MTHFD2L: variants seen among roughly 807,000 people sequenced by gnomAD.
MTHFD2L encodes methylenetetrahydrofolate dehydrogenase (NADP+ dependent) 2 like.
In MTHFD2L, 29 loss-of-function variants were observed where a neutral mutation model predicts 34.9. The observed-to-expected ratio is 0.83, with a 90% confidence interval of 0.62 to 1.13. MTHFD2L has a LOEUF of 1.13. Among genes scored for constraint, MTHFD2L ranks in the 50% most tolerant of loss-of-function variants. The pLI, the probability that MTHFD2L is intolerant of heterozygous loss-of-function variation, is 0.00. For synonymous variants in MTHFD2L, 167 were observed against 155.7 expected (o/e 1.07, Z -0.54); for missense variants, 481 against 446.5 (o/e 1.08, Z -0.70).
intron 1 of MTHFD2L, among the ~76,000 whole-genome samples, chr4:74,148,405 TTAGAC>T (rs1426474092): frequency 7.1e-6 from 1 of 141,454 alleles, no homozygotes; most frequent in Non-Finnish European, 1.5e-5. Context: ...ATCTATCTAT[TTAGAC>T]AGAGTTTTGC....
intron 3 of MTHFD2L, among the ~76,000 whole-genome samples, chr4:74,197,969 A>G (rs1267347688): frequency 1.3e-5 from 2 of 152,176 alleles, no homozygotes; most frequent in East Asian, 3.8e-4. Flanking sequence ...CTGGATTTTT[A>G]TGATCTTCAC....
chr4:74,115,799 T>C (rs1422837359), intron 2 of MTHFD2L, among the ~76,000 whole-genome samples: 2 of 152,222 alleles, frequency 1.3e-5, no homozygotes, highest in African/African-American at 2.4e-5. Flanking sequence ...CTATTATCGA[T>C]AGCTGAATGC....
chr4:74,194,394 T>A (rs1177789820), intron 3 of MTHFD2L: 2 of 152,210 alleles, frequency 1.3e-5, no homozygotes, highest in Non-Finnish European at 2.9e-5. Flanking sequence ...GATTTTTTTT[T>A]CTTTAAGCTA....
chr4:74,283,384 C>T (rs749945972), intron 7 of MTHFD2L, among the ~76,000 whole-genome samples: 1 of 152,020 alleles, frequency 6.6e-6, no homozygotes, highest in Non-Finnish European at 1.5e-5. Flanking sequence ...CACTTCATGT[C>T]ACATGAAGTC....
chr4:74,153,073 C>G (rs1724041832), intron 1 of MTHFD2L, among the ~76,000 whole-genome samples: 1 of 152,136 alleles, frequency 6.6e-6, no homozygotes, highest in Non-Finnish European at 1.5e-5. Flanking sequence ...GTGATTTTCC[C>G]TTGACATCTC....
chr4:74,221,910 G>T (rs887143255), intron 5 of MTHFD2L, among the ~76,000 whole-genome samples: 3 of 151,186 alleles, frequency 2.0e-5, no homozygotes, highest in Non-Finnish European at 4.4e-5. Flanking sequence ...TATTTATAGG[G>T]TGGCTACTGA....
At chr4:74,201,402 T>G (rs1734407065) in intron 5 of MTHFD2L, 32 bp downstream of exon 5, 1 of 1,476,978 alleles carries the variant, frequency 6.8e-7, no homozygotes, top group African/African-American at 1.4e-5. Context: ...CTACACTCTC[T>G]CGCAGTATTC....
chr4:74,291,223 A>T (rs1375430331), intron 7 of MTHFD2L, among the ~76,000 whole-genome samples: 1 of 150,378 alleles, frequency 6.6e-6, no homozygotes, highest in East Asian at 1.9e-4. Flanking sequence ...CACCATGTTG[A>T]CCAGGATGGT....
chr4:74,130,864 A>C (rs752400914), intron 1 of MTHFD2L, among the ~76,000 whole-genome samples: 1 of 152,158 alleles, frequency 6.6e-6, no homozygotes, highest in Non-Finnish European at 1.5e-5. Context: ...AAATCTCCTT[A>C]AGCTTTATCA....
At chr4:74,153,835 C>G (rs1175792956), upstream of MTHFD2L, among the ~76,000 whole-genome samples, 1 of 152,146 alleles carries the variant, frequency 6.6e-6, no homozygotes. Flanking sequence ...ATATGTCACA[C>G]ATCTAGTTTT....
chr4:74,219,892 T>A (rs1429801156), intron 5 of MTHFD2L, among the ~76,000 whole-genome samples: 1 of 152,098 alleles, frequency 6.6e-6, no homozygotes, highest in Non-Finnish European at 1.5e-5. Context: ...CCTGATAGTA[T>A]TGAAAAAGGA....
At chr4:74,175,434 T>G (rs1392483560) in intron 3 of MTHFD2L, 31 bp downstream of exon 3, 1 of 1,579,538 alleles carries the variant, frequency 6.3e-7, no homozygotes. Context: ...TTATCTGATT[T>G]TGTTAAAAGT....
chr4:74,120,708 C>G (rs137891704), upstream of MTHFD2L, among the ~76,000 whole-genome samples: 2 of 152,326 alleles, frequency 1.3e-5, no homozygotes, highest in African/African-American at 4.8e-5. Context: ...CATATCTGTT[C>G]ACACAGCTCT....
chr4:74,225,890 G>C (rs1290804163), intron 6 of MTHFD2L, among the ~76,000 whole-genome samples: 2 of 152,088 alleles, frequency 1.3e-5, no homozygotes. Flanking sequence ...GTCCAAAGGA[G>C]AGTATCTAGG....
chr4:74,297,942 G>A lies in MTHFD2L; in HGVS notation c.932-3755G>A, dbSNP rs1319101854. ...CAATAGCTCCCCACCTTTCTTGAGA[G>A]ATCACTTACTTCTGTATCCTGATCC... is the stretch of plus-strand genomic sequence containing the variant. On this transcript the variant is annotated intron_variant, in intron 7 of 7. Coordinates refer to ENST00000325278, the MANE Select transcript of MTHFD2L (RefSeq NM_001144978.3). Among the ~76,000 whole-genome samples the A allele has an allele frequency of 1.3e-3, 202 of 152,136 alleles. 4 individuals carry two copies. Among genetic ancestry groups the A allele is most frequent in the Non-Finnish European group, 3.1e-4 (21 of 67,972 alleles).
At chr4:74,143,247 CA>C (rs55888512) in intron 1 of MTHFD2L, 193,731 of 196,226 alleles carry the variant, frequency 0.99, 95,690 homozygotes, top group Non-Finnish European at 1. Flanking sequence ...AGCTGGAAAG[CA>C]TACGTGCACT....
upstream of MTHFD2L, among the ~76,000 whole-genome samples, chr4:74,155,647 C>G (rs1560417436): frequency 6.6e-6 from 1 of 151,898 alleles, no homozygotes; most frequent in African/African-American, 2.4e-5. Context: ...AATCTGTTAA[C>G]AAATGAATGT....
chr4:74,244,932 C>T (rs1243268708), intron 6 of MTHFD2L, among the ~76,000 whole-genome samples: 3 of 151,952 alleles, frequency 2.0e-5, no homozygotes, highest in East Asian at 3.9e-4. Flanking sequence ...CAGTGGCTCG[C>T]GGCTATAATC....
chr4:74,193,820 TTAAG>T (rs1733003749), intron 3 of MTHFD2L, among the ~76,000 whole-genome samples: 1 of 152,212 alleles, frequency 6.6e-6, no homozygotes, highest in Non-Finnish European at 1.5e-5. Flanking sequence ...TTATAAATTT[TTAAG>T]CATGCTCTGC....
Sources: gnomAD v4.1 joint callset for allele counts (sites outside exome capture counted in the v4.1 genomes callset) on GRCh38, gnomAD v4.1.1 for gene constraint, MANE v1.5 for transcripts, NCBI Gene and HGNC (gene_info 2026-07-23, HGNC 2026-07-21) for gene names.